The following SLC13A1 variants were observed in gnomAD, a reference collection of about 807,000 sequenced individuals.
The protein encoded by SLC13A1 is solute carrier family 13 member 1, also known as Na(+)/sulfate cotransporter.
Under a neutral mutation model 70.0 loss-of-function variants are expected in SLC13A1, and 65 were observed. The ratio of observed to expected loss-of-function variants is 0.93; its 90% confidence interval spans 0.76 to 1.14. The LOEUF is 1.14. Ranked by LOEUF, SLC13A1 falls within the 50% of genes most tolerant of loss-of-function variation. SLC13A1 has a pLI of 0.00. For missense variants in SLC13A1, 726 were observed against 717.8 expected (o/e 1.01, Z -0.13); for synonymous variants, 275 against 250.5 (o/e 1.10, Z -0.92).
intron 1 of SLC13A1, among the ~76,000 whole-genome samples, chr7:123,182,857 C>A (rs899694816): frequency 6.6e-6 from 1 of 151,984 alleles, no homozygotes; most frequent in African/African-American, 2.4e-5. Flanking sequence ...TGAAATCAAC[C>A]AAAAGTCAGT....
At chr7:123,160,358 G>A (rs1202883701) in intron 6 of SLC13A1, among the ~76,000 whole-genome samples, 1 of 151,564 alleles carries the variant, frequency 6.6e-6, no homozygotes, top group Non-Finnish European at 1.5e-5. Context: ...ATGAAGAGGT[G>A]CACAGCAAAA....
chr7:123,122,449 T>C (rs539189370), intron 12 of SLC13A1, among the ~76,000 whole-genome samples: 1 of 152,162 alleles, frequency 6.6e-6, no homozygotes, highest in African/African-American at 2.4e-5. Context: ...GAGAAGATAA[T>C]TTTCTTCCAA....
At chr7:123,133,982 C>T (rs1228538054) in intron 8 of SLC13A1, among the ~76,000 whole-genome samples, 7 of 152,106 alleles carry the variant, frequency 4.6e-5, no homozygotes, top group Admixed American at 2.0e-4. Context: ...GGACCAGAGG[C>T]GCACACCACC....
intron 6 of SLC13A1, among the ~76,000 whole-genome samples, chr7:123,152,738 C>G (rs940900483): frequency 6.6e-6 from 1 of 152,076 alleles, no homozygotes; most frequent in Non-Finnish European, 1.5e-5. Flanking sequence ...CCAAAATAAA[C>G]TAATTTACAA....
At chr7:123,127,208 C>G (rs1793590044) in intron 10 of SLC13A1, among the ~76,000 whole-genome samples, 1 of 152,108 alleles carries the variant, frequency 6.6e-6, no homozygotes, top group Admixed American at 6.6e-5. Flanking sequence ...ATCCCATCCT[C>G]TCTCAAACCT....
chr7:123,180,335 A>G (rs903682551), intron 2 of SLC13A1, among the ~76,000 whole-genome samples: 2 of 152,154 alleles, frequency 1.3e-5, no homozygotes, highest in African/African-American at 2.4e-5. Context: ...ACTGACTGGT[A>G]TCTCGAACTT....
intron 7 of SLC13A1, among the ~76,000 whole-genome samples, chr7:123,144,525 G>T (rs1373084143): frequency 2.0e-5 from 3 of 152,120 alleles, no homozygotes; most frequent in East Asian, 3.9e-4. Context: ...AGTCAAACTG[G>T]ATTTTTAACC....
intron 1 of SLC13A1, among the ~76,000 whole-genome samples, chr7:123,182,895 T>A (rs545053629): frequency 6.6e-6 from 1 of 152,262 alleles, no homozygotes; most frequent in Non-Finnish European, 1.5e-5. Flanking sequence ...TGAAAATAAT[T>A]GAAGAATCCT....
At chr7:123,121,791 G>A (rs1483742049) in intron 12 of SLC13A1, among the ~76,000 whole-genome samples, 2 of 152,050 alleles carry the variant, frequency 1.3e-5, no homozygotes, top group South Asian at 4.1e-4. Flanking sequence ...AAGAGTATCT[G>A]GTTCTGGACA....
At chr7:123,194,196 G>A (rs1796096217) in intron 1 of SLC13A1, among the ~76,000 whole-genome samples, 1 of 152,108 alleles carries the variant, frequency 6.6e-6, no homozygotes, top group African/African-American at 2.4e-5. Flanking sequence ...ATGATGCAAT[G>A]AGAGCATCGA....
At chr7:123,157,321 C>T (rs1245878047) in intron 6 of SLC13A1, among the ~76,000 whole-genome samples, 3 of 151,840 alleles carry the variant, frequency 2.0e-5, no homozygotes, top group East Asian at 1.9e-4. Context: ...TTTTATCCAC[C>T]GTAGTTAATA....
chr7:123,124,952 T>G (rs148061685), intron 11 of SLC13A1, among the ~76,000 whole-genome samples: 28 of 151,990 alleles, frequency 1.8e-4, no homozygotes, highest in African/African-American at 5.3e-4. Context: ...GCTAATTTTT[T>G]TAATTTTTTG....
intron 7 of SLC13A1, among the ~76,000 whole-genome samples, chr7:123,142,661 A>AGTCTTACTCTATTGCCCC (rs1794198028): frequency 4.2e-5 from 1 of 23,964 alleles, no homozygotes; most frequent in Admixed American, 3.1e-4. Context: ...TTTTTGATGG[A>AGTCTTACTCTATTGCCCC]GGCTGGAGTG....
chr7:123,165,123 A>T (rs1279396021), intron 6 of SLC13A1, among the ~76,000 whole-genome samples: 3 of 152,120 alleles, frequency 2.0e-5, no homozygotes, highest in Non-Finnish European at 1.5e-5. Flanking sequence ...GTTTATTATA[A>T]TTGTAACACA....
intron 6 of SLC13A1, among the ~76,000 whole-genome samples, chr7:123,161,879 A>T (rs978912572): frequency 2.0e-5 from 3 of 151,840 alleles, no homozygotes; most frequent in African/African-American, 7.3e-5. Context: ...AGAAATCATT[A>T]TGTTCTAGTT....
chr7:123,172,435 A>G (rs886305787), intron 2 of SLC13A1, among the ~76,000 whole-genome samples: 18 of 152,216 alleles, frequency 1.2e-4, no homozygotes, highest in African/African-American at 4.1e-4. Context: ...ATCCTGGCCA[A>G]CATAGTGAAA....
In SLC13A1 at chr7:123,119,164, A is replaced by G; in HGVS notation, c.1429T>C (p.Ser477Pro). 2.5e-6 allele frequency: 4 copies of G among 1,612,742 alleles called. No homozygotes were observed. Among genetic ancestry groups the G allele is most frequent in the South Asian group, 2.2e-5 (2 of 91,042 alleles). Residue 477 changes from serine to proline, a missense_variant, in exon 13 of 15, where the codon TCT becomes CCT. Ser to Pro is a moderately conservative substitution (Grantham distance 74). Coordinates refer to ENST00000194130, the MANE Select transcript of SLC13A1 (RefSeq NM_022444.4). ...SLPAWLIILI[S>P]SLMVTSLTEV... Reference sequence around the variant, plus strand: ...GTTAAAGATGTCACCATCAAAGAAGATATCAGAATTATTAGCCATGCTGGT... The same window carrying G: ...GTTAAAGATGTCACCATCAAAGAAGGTATCAGAATTATTAGCCATGCTGGT...
In SLC13A1 at chr7:123,134,511, A is replaced by C. The variant is rs1406683985; in HGVS notation, c.831T>G (p.Arg277=). Residue 277 remains arginine, a synonymous_variant, in exon 8 of 15, where the codon CGT becomes CGG. Coordinates refer to ENST00000194130, the MANE Select transcript of SLC13A1 (RefSeq NM_022444.4). ...EYFNTRYPDC[R]CLNFGSWFTF... ...TAAACCATGATCCAAAGTTGAGGCA[A>C]CGACAGTCAGGATAGCGTCTGTGTG... The C allele has an allele frequency of 3.1e-6, 5 of 1,613,488 alleles. No homozygotes were observed. Among genetic ancestry groups the C allele is most frequent in the Non-Finnish European group, 3.4e-6 (4 of 1,179,572 alleles).
chr7:123,134,623 T>A, intron 7 of SLC13A1, 94 bp from the exon 8 acceptor site: 1 of 1,236,796 alleles, frequency 8.1e-7, no homozygotes, highest in South Asian at 1.5e-5. Context: ...CTCTTTCCTG[T>A]GTTTCTGTCC....
Sources: allele counts gnomAD v4.1 joint callset (sites outside exome capture counted in the v4.1 genomes callset), GRCh38; gene constraint gnomAD v4.1.1; transcripts MANE v1.5; gene names NCBI Gene and HGNC (gene_info 2026-07-23, HGNC 2026-07-21).